Variants in MPP7 observed in about 807,000 individuals in gnomAD.
MPP7 encodes the protein MAGUK p55 subfamily member 7.
Under a neutral mutation model 76.5 loss-of-function variants are expected in MPP7, and 60 were observed. The observed-to-expected ratio is 0.78, with a 90% CI of 0.64 to 0.97. The LOEUF is 0.97. Among genes scored for constraint, MPP7 ranks in the 50% least tolerant of loss-of-function variants. MPP7 has a pLI of 0.00. For synonymous variants in MPP7, 237 were observed against 244.5 expected, an observed-to-expected ratio of 0.97 and a Z score of 0.29; for missense variants, 641 against 694.0, an observed-to-expected ratio of 0.92 and a Z score of 0.86.
intron 11 of MPP7, among the ~76,000 whole-genome samples, 195 bp downstream of exon 11, chr10:28,119,456 C>T (rs1456720712): frequency 6.6e-6 from 1 of 152,126 alleles, no homozygotes; most frequent in Non-Finnish European, 1.5e-5. Context: ...TTAACAACCT[C>T]AACCACCCCT....
intron 1 of MPP7, among the ~76,000 whole-genome samples, chr10:28,254,124 A>C (rs1471336407): frequency 6.6e-6 from 1 of 151,596 alleles, no homozygotes; most frequent in East Asian, 2.0e-4. Flanking sequence ...GTTTCAAAAG[A>C]TTCTTTTTAC....
chr10:28,224,238 G>A (rs1838615168), intron 2 of MPP7, among the ~76,000 whole-genome samples: 2 of 151,918 alleles, frequency 1.3e-5, no homozygotes, highest in African/African-American at 2.4e-5. Flanking sequence ...AAATTCAACT[G>A]TAAGCAATGC....
rs1392304887 is a variant in MPP7, at chr10:28,203,797, T to G, written c.38-1526A>C. Among the ~76,000 whole-genome samples the G allele has an allele frequency of 3.9e-5, 6 of 152,280 alleles. No homozygotes were observed. The South Asian group carries it at 1.2e-3, about 32-fold the overall frequency. On this transcript the variant is annotated intron_variant, in intron 2 of 16. Transcript: ENST00000683449. ...TTATTGATTTGGGGAGTTGTAAAAA[T>G]AATTACCTATTCCTTGGTAACATGA...
At chr10:28,312,843 C>T (rs776795952) in intron 2 of MPP7, among the ~76,000 whole-genome samples, 8 of 152,136 alleles carry the variant, frequency 5.3e-5, no homozygotes, top group Non-Finnish European at 1.0e-4. Context: ...TTTGTGCTGA[C>T]CTGGAAAGCA....
intron 3 of MPP7, among the ~76,000 whole-genome samples, chr10:28,151,886 T>C (rs971998394): frequency 6.6e-5 from 10 of 152,174 alleles, no homozygotes; most frequent in Non-Finnish European, 1.5e-4. Context: ...CTAATGAATA[T>C]GGCCAGTTTG....
chr10:28,280,670 A>T (rs1490592667), intron 1 of MPP7, among the ~76,000 whole-genome samples: 2 of 152,068 alleles, frequency 1.3e-5, no homozygotes, highest in Non-Finnish European at 2.9e-5. Flanking sequence ...ATAGCAACAG[A>T]GTAATAAAGT....
chr10:28,309,667 T>C (rs182244356), intron 2 of MPP7, among the ~76,000 whole-genome samples: 405 of 152,274 alleles, frequency 2.7e-3, no homozygotes, highest in African/African-American at 9.0e-3. Flanking sequence ...TTGGATGTTT[T>C]CCCCTGAAAA....
At chr10:28,238,874 T>C in intron 1 of MPP7, 139 bp from the exon 2 acceptor site, 1 of 449,010 alleles carries the variant, frequency 2.2e-6, no homozygotes, top group South Asian at 4.1e-5. Context: ...ACAGACCACA[T>C]GCAAGTACAA....
At chr10:28,185,382 G>T (rs572546641) in intron 3 of MPP7, among the ~76,000 whole-genome samples, 3 of 152,018 alleles carry the variant, frequency 2.0e-5, no homozygotes, top group Non-Finnish European at 4.4e-5. Context: ...TTTGCAAAAG[G>T]GTGGGACATG....
chr10:28,251,354 C>A (rs563210302), intron 1 of MPP7, among the ~76,000 whole-genome samples: 2 of 151,844 alleles, frequency 1.3e-5, no homozygotes, highest in East Asian at 3.9e-4. Context: ...CCCAGCTACT[C>A]GGGAGGCTGA....
At chr10:28,096,177 C>T (rs1401404451) in intron 11 of MPP7, among the ~76,000 whole-genome samples, 1 of 152,128 alleles carries the variant, frequency 6.6e-6, no homozygotes, top group Non-Finnish European at 1.5e-5. Context: ...TCCCTTTATC[C>T]CATGTCACTG....
At chr10:28,306,687 GATAGATAATAGATAGTTGATAGAT>G, upstream of MPP7, among the ~76,000 whole-genome samples, 3 of 45,412 alleles carry the variant, frequency 6.6e-5, no homozygotes, top group African/African-American at 2.0e-4. Context: ...AGAGAGAGAT[GATAGATAATAGATAGTTGATAGAT>G]AGATGATAGA....
intron 2 of MPP7, among the ~76,000 whole-genome samples, chr10:28,238,088 TG>T (rs1839137993): frequency 6.6e-6 from 1 of 152,070 alleles, no homozygotes; most frequent in African/African-American, 2.4e-5. Flanking sequence ...CTTAATGGTA[TG>T]TATCAATTTC....
At chr10:28,171,827 T>C (rs1023430824) in intron 3 of MPP7, among the ~76,000 whole-genome samples, 2 of 152,180 alleles carry the variant, frequency 1.3e-5, no homozygotes, top group African/African-American at 4.8e-5. Flanking sequence ...AGACTTTCTG[T>C]AGTTTTGTTA....
chr10:28,120,721 A>C, intron 8 of MPP7, 53 bp from the exon 9 acceptor site: 1 of 1,417,124 alleles, frequency 7.1e-7, no homozygotes, highest in South Asian at 1.2e-5. Context: ...AAGGAAGAAT[A>C]AGGTAAAATA....
chr10:28,260,698 G>A (rs1306891051), intron 1 of MPP7, among the ~76,000 whole-genome samples: 1 of 150,474 alleles, frequency 6.6e-6, no homozygotes, highest in African/African-American at 2.5e-5. Context: ...CTCGAACCTA[G>A]GAGGCGGAGG....
chr10:28,147,773 A>G (rs549956479), intron 4 of MPP7, among the ~76,000 whole-genome samples: 2 of 152,336 alleles, frequency 1.3e-5, no homozygotes, highest in South Asian at 4.1e-4. Flanking sequence ...AGCTGAGTAC[A>G]AATCAAGTAA....
chr10:28,135,689 G>C (rs1835332825), intron 5 of MPP7, among the ~76,000 whole-genome samples: 2 of 152,146 alleles, frequency 1.3e-5, no homozygotes, highest in African/African-American at 4.8e-5. Flanking sequence ...TAGGCACTGA[G>C]AAGAGTTATG....
intron 12 of MPP7, among the ~76,000 whole-genome samples, chr10:28,088,176 C>T (rs1853111024): frequency 6.6e-6 from 1 of 152,110 alleles, no homozygotes; most frequent in Non-Finnish European, 1.5e-5. Flanking sequence ...AGGACTCCAT[C>T]TTACTAAGAT....
Sources: allele counts gnomAD v4.1 joint callset (sites outside exome capture counted in the v4.1 genomes callset), GRCh38; gene constraint gnomAD v4.1.1; transcripts MANE v1.5; gene names NCBI Gene and HGNC (gene_info 2026-07-23, HGNC 2026-07-21).